The following TTC39B variants were observed in gnomAD, a reference collection of about 807,000 sequenced individuals.
TTC39B encodes tetratricopeptide repeat protein 39B.
A neutral mutation model predicts 96.6 loss-of-function variants in TTC39B; 92 were observed. The ratio of observed to expected loss-of-function variants is 0.95; its 90% confidence interval spans 0.80 to 1.13. TTC39B has a LOEUF of 1.13. TTC39B is among the 50% of genes most tolerant of loss of function. The probability of loss-of-function intolerance (pLI) is 0.00; values close to 1 mark genes in which losing one functional copy is unlikely to be tolerated. For missense variants in TTC39B, 955 were observed against 809.3 expected, an observed-to-expected ratio of 1.18 and a Z score of -2.18; for synonymous variants, 367 against 299.4, an observed-to-expected ratio of 1.23 and a Z score of -2.33.
intron 3 of TTC39B, among the ~76,000 whole-genome samples, chr9:15,216,182 G>A (rs1820507000): frequency 6.6e-6 from 1 of 152,156 alleles, no homozygotes; most frequent in African/African-American, 2.4e-5. Context: ...TCTTGTGCAT[G>A]TAGCATTTGT....
chr9:15,225,789 G>A (rs934157286), intron 3 of TTC39B, 128 bp downstream of exon 3: 2 of 665,748 alleles, frequency 3.0e-6, no homozygotes, highest in Admixed American at 3.3e-5. Context: ...CACTCTACTT[G>A]CCTAGGCCTC....
intron 4 of TTC39B, among the ~76,000 whole-genome samples, chr9:15,212,576 C>G (rs944558911): frequency 1.3e-5 from 2 of 152,150 alleles, no homozygotes; most frequent in Non-Finnish European, 2.9e-5. Flanking sequence ...CAGGCATGCA[C>G]CACCATGCCT....
intron 1 of TTC39B, among the ~76,000 whole-genome samples, chr9:15,268,812 G>C (rs2131552736): frequency 6.6e-6 from 1 of 152,220 alleles, no homozygotes; most frequent in South Asian, 2.1e-4. Flanking sequence ...TTCTTCACAT[G>C]ACAACAATAT....
At chr9:15,256,839 C>A (rs1245706303) in intron 2 of TTC39B, among the ~76,000 whole-genome samples, 2 of 152,118 alleles carry the variant, frequency 1.3e-5, no homozygotes, top group Non-Finnish European at 2.9e-5. Flanking sequence ...GAGTTGCCCT[C>A]GATGAGGCAG....
chr9:15,171,611 C>T (rs987233183), exon 20 of TTC39B: 3 of 152,920 alleles, frequency 2.0e-5, no homozygotes, highest in African/African-American at 7.2e-5. Flanking sequence ...TAAATACAGG[C>T]AACAAAATAT....
chr9:15,233,341 C>T (rs1022433281), intron 2 of TTC39B, among the ~76,000 whole-genome samples: 5 of 152,014 alleles, frequency 3.3e-5, no homozygotes, highest in South Asian at 2.1e-4. Context: ...TCTCCCTCTC[C>T]CTCTCCCTCT....
chr9:15,275,750 T>G (rs1039977698), intron 1 of TTC39B, among the ~76,000 whole-genome samples: 1 of 152,178 alleles, frequency 6.6e-6, no homozygotes, highest in Admixed American at 6.5e-5. Flanking sequence ...ACTACAGTCA[T>G]GTTGTCTACA....
intron 2 of TTC39B, among the ~76,000 whole-genome samples, chr9:15,231,137 A>T (rs1226113768): frequency 6.6e-6 from 1 of 152,144 alleles, no homozygotes; most frequent in Admixed American, 6.5e-5. Flanking sequence ...AAGAACTACT[A>T]GACTGTTTTC....
At chr9:15,204,703 T>A (rs1819746202) in intron 6 of TTC39B, among the ~76,000 whole-genome samples, 1 of 152,088 alleles carries the variant, frequency 6.6e-6, no homozygotes, top group Admixed American at 6.6e-5. Flanking sequence ...GAAAAAGAAA[T>A]GTCCTGCACG....
At chr9:15,300,891 CAAAAAAAAAAAAAA>C (rs71491658) in intron 1 of TTC39B, among the ~76,000 whole-genome samples, 3 of 81,166 alleles carry the variant, frequency 3.7e-5, no homozygotes, top group African/African-American at 1.2e-4. Flanking sequence ...AACTCCGTCT[CAAAAAAAAAAAAAA>C]AAAAAAAAAA....
At chr9:15,220,992 T>C (rs553175115) in intron 3 of TTC39B, among the ~76,000 whole-genome samples, 2 of 152,068 alleles carry the variant, frequency 1.3e-5, no homozygotes, top group Non-Finnish European at 2.9e-5. Flanking sequence ...TGATGCCGAG[T>C]TCTCAGTGCA....
chr9:15,167,915 C>T (rs986841593), exon 20 of TTC39B: 3 of 151,970 alleles, frequency 2.0e-5, no homozygotes, highest in East Asian at 3.9e-4. Flanking sequence ...AGGAGTTTGG[C>T]GGAGGGAGGG....
At chr9:15,268,518 A>T (rs758354559) in intron 1 of TTC39B, among the ~76,000 whole-genome samples, 4 of 151,764 alleles carry the variant, frequency 2.6e-5, no homozygotes, top group Non-Finnish European at 5.9e-5. Context: ...CCACACACAC[A>T]CTCCACACTC....
rs148502059 is a variant in TTC39B, at chr9:15,187,087, T to G, written c.1396-52A>C. ...AGAACATCCCTAGGTAAATGACATTTCTACCTTTCAAATCAGGAATGACCA... is the reference window on the plus strand; with the variant it reads ...AGAACATCCCTAGGTAAATGACATTGCTACCTTTCAAATCAGGAATGACCA... On this transcript the variant is annotated intron_variant, in intron 14 of 19. Transcript: ENST00000512701. The G allele has an allele frequency of 1.8e-4, 242 of 1,350,940 alleles. 1 individual carries two copies. In the East Asian group the frequency reaches 5.8e-3, roughly 32 times the overall value. The allele number at this position is 1,350,940 out of a possible 1,614,324, so 83.7% of individuals were successfully genotyped here. A position where few individuals can be genotyped will look rare whatever the true frequency, so the allele number is the denominator to read the frequency against.
intron 1 of TTC39B, among the ~76,000 whole-genome samples, chr9:15,305,853 A>G (rs1043494455): frequency 1.3e-5 from 2 of 151,966 alleles, no homozygotes; most frequent in African/African-American, 4.8e-5. Flanking sequence ...TTCTAAGCAC[A>G]GCAAATCTCC....
At chr9:15,256,588 A>G (rs1822759404) in intron 2 of TTC39B, among the ~76,000 whole-genome samples, 1 of 152,226 alleles carries the variant, frequency 6.6e-6, no homozygotes, top group Admixed American at 6.5e-5. Context: ...AATTAACTGC[A>G]AAATGAGAAA....
intron 19 of TTC39B, among the ~76,000 whole-genome samples, chr9:15,174,578 T>C (rs777763489): frequency 6.6e-6 from 1 of 152,226 alleles, no homozygotes; most frequent in Non-Finnish European, 1.5e-5. Flanking sequence ...CTGAATACAA[T>C]GAAGGTTGGC....
intron 8 of TTC39B, among the ~76,000 whole-genome samples, chr9:15,195,730 G>A (rs1431624624): frequency 6.7e-6 from 1 of 149,728 alleles, no homozygotes; most frequent in African/African-American, 2.4e-5. Context: ...TGTAGAAGCT[G>A]TAGCAAGTTA....
intron 2 of TTC39B, among the ~76,000 whole-genome samples, chr9:15,251,196 A>C (rs1822522334): frequency 6.6e-6 from 1 of 152,078 alleles, no homozygotes; most frequent in Non-Finnish European, 1.5e-5. Context: ...ACTCCATCTC[A>C]AAAAAACAAA....
Sources: gnomAD v4.1 joint callset for allele counts (sites outside exome capture counted in the v4.1 genomes callset) on GRCh38, gnomAD v4.1.1 for gene constraint, MANE v1.5 for transcripts, NCBI Gene and HGNC (gene_info 2026-07-23, HGNC 2026-07-21) for gene names.